The following GPC6 variants were observed in gnomAD, a reference collection of about 807,000 sequenced individuals.
GPC6 encodes the protein glypican 6.
GPC6 carries 14 observed loss-of-function variants against 55.2 expected under a neutral mutation model. The ratio of observed to expected loss-of-function variants is 0.25; its 90% CI spans 0.17 to 0.40. The LOEUF is 0.40. GPC6 is among the 10% of genes least tolerant of loss of function. GPC6 has a pLI of 1.00. For synonymous variants in GPC6, 278 were observed against 259.6 expected, an observed-to-expected ratio of 1.07 and a Z score of -0.68; for missense variants, 641 against 708.5, an observed-to-expected ratio of 0.90 and a Z score of 1.08.
chr13:93,564,200 A>C (rs1174089935), intron 2 of GPC6, among the ~76,000 whole-genome samples: 1 of 152,140 alleles, frequency 6.6e-6, no homozygotes. Context: ...GTAAAACCTT[A>C]AAAAAGAGTA....
intron 1 of GPC6, among the ~76,000 whole-genome samples, chr13:93,278,514 AT>A (rs1381030279): frequency 6.6e-6 from 1 of 152,104 alleles, no homozygotes; most frequent in Non-Finnish European, 1.5e-5. Context: ...ATAAAGAAAT[AT>A]TCTTATAAGA....
intron 4 of GPC6, among the ~76,000 whole-genome samples, chr13:94,054,559 C>A (rs1377135641): frequency 6.6e-6 from 1 of 152,180 alleles, no homozygotes; most frequent in Non-Finnish European, 1.5e-5. Flanking sequence ...TTGACACCTC[C>A]TGGCGGCCAG....
intron 2 of GPC6, among the ~76,000 whole-genome samples, chr13:93,685,345 G>C (rs1003686137): frequency 1.5e-4 from 23 of 152,118 alleles, no homozygotes; most frequent in African/African-American, 4.8e-4. Flanking sequence ...TTGCAGCCTG[G>C]TTGTCAATTG....
intron 7 of GPC6, among the ~76,000 whole-genome samples, chr13:94,388,398 T>C (rs907676906): frequency 7.2e-5 from 11 of 152,214 alleles, no homozygotes; most frequent in African/African-American, 2.4e-4. Flanking sequence ...ATGGACAAGG[T>C]TGAAGTCTTC....
At chr13:93,391,142 G>A (rs1294090394) in intron 1 of GPC6, among the ~76,000 whole-genome samples, 2 of 151,998 alleles carry the variant, frequency 1.3e-5, no homozygotes, top group African/African-American at 4.8e-5. Context: ...TAAAATACCA[G>A]AAATTATAAT....
chr13:94,224,256 AATATATAT>A (rs59631105), intron 4 of GPC6, among the ~76,000 whole-genome samples: 60,686 of 143,882 alleles, frequency 0.42, 12,853 homozygotes, highest in Non-Finnish European at 0.45. Context: ...ATCATCTTTA[AATATATAT>A]ATATATATAT....
intron 3 of GPC6, among the ~76,000 whole-genome samples, chr13:93,861,618 GT>G (rs1888816228): frequency 6.6e-6 from 1 of 151,510 alleles, no homozygotes; most frequent in Non-Finnish European, 1.5e-5. Flanking sequence ...CCCTTGAAAG[GT>G]TTTGCTTTTA....
chr13:94,087,136 AT>A (rs1161469267), intron 4 of GPC6, among the ~76,000 whole-genome samples: 4 of 152,246 alleles, frequency 2.6e-5, no homozygotes, highest in Non-Finnish European at 4.4e-5. Context: ...TATTTCATAG[AT>A]TTAAATGGGA....
intron 3 of GPC6, among the ~76,000 whole-genome samples, chr13:93,977,523 G>GTGTGGTGTA (rs1880581722): frequency 2.1e-5 from 3 of 145,316 alleles, no homozygotes; most frequent in African/African-American, 7.6e-5. Flanking sequence ...TGTGTGGTGT[G>GTGTGGTGTA]TCTTTATTTG....
At chr13:93,336,859 C>G (rs1235918917) in intron 1 of GPC6, among the ~76,000 whole-genome samples, 2 of 152,120 alleles carry the variant, frequency 1.3e-5, no homozygotes, top group African/African-American at 4.8e-5. Flanking sequence ...ACAATTTCAG[C>G]ACCACCCTGA....
At position 93,565,310 on chromosome 13, in the gene GPC6, G is replaced by T. The variant is rs1876042897; in HGVS notation, c.319+19889G>T. Among the ~76,000 whole-genome samples, 7 of 152,154 alleles carry T rather than the reference G, an allele frequency of 4.6e-5. 1 individual carries two copies. ...AGCAGGTGTTGGCCCCACTGCAATTGGGGAAATGAAAAGCGTGCAAGGAAA... is the reference window on the plus strand; with the variant it reads ...AGCAGGTGTTGGCCCCACTGCAATTTGGGAAATGAAAAGCGTGCAAGGAAA... On this transcript the variant is annotated intron_variant, in intron 2 of 8. Coordinates refer to ENST00000377047, the MANE Select transcript of GPC6 (RefSeq NM_005708.5).
chr13:93,557,438 C>A (rs1275702357), intron 2 of GPC6, among the ~76,000 whole-genome samples: 1 of 152,058 alleles, frequency 6.6e-6, no homozygotes, highest in East Asian at 1.9e-4. Flanking sequence ...GTAAATTCTT[C>A]CATTAAGTAA....
chr13:93,722,486 G>A (rs577831880), intron 2 of GPC6, among the ~76,000 whole-genome samples: 7 of 151,776 alleles, frequency 4.6e-5, no homozygotes, highest in Non-Finnish European at 1.5e-5. Context: ...TCTTACTAGT[G>A]CCCCCATCCT....
intron 3 of GPC6, among the ~76,000 whole-genome samples, chr13:94,023,345 G>A (rs993565591): frequency 2.0e-5 from 3 of 150,764 alleles, no homozygotes; most frequent in Non-Finnish European, 4.4e-5. Flanking sequence ...CAAACCAGTT[G>A]GTGGATCATT....
chr13:94,339,371 G>A (rs1002064678), intron 6 of GPC6, among the ~76,000 whole-genome samples: 1 of 151,900 alleles, frequency 6.6e-6, no homozygotes, highest in Non-Finnish European at 1.5e-5. Context: ...GCCTATTTTA[G>A]GAGTTTTCTT....
chr13:93,654,574 C>T (rs1418469944), intron 2 of GPC6, among the ~76,000 whole-genome samples: 3 of 152,038 alleles, frequency 2.0e-5, no homozygotes, highest in Non-Finnish European at 4.4e-5. Context: ...GTGATCCACC[C>T]GCCTCAGCCT....
At chr13:94,355,898 G>A (rs541765063) in intron 6 of GPC6, among the ~76,000 whole-genome samples, 6 of 152,070 alleles carry the variant, frequency 3.9e-5, no homozygotes, top group Admixed American at 2.6e-4. Context: ...ATTAAACCCC[G>A]CATGCATTAG....
chr13:94,241,217 A>G (rs1367457625), intron 4 of GPC6, among the ~76,000 whole-genome samples: 1 of 152,168 alleles, frequency 6.6e-6, no homozygotes, highest in Non-Finnish European at 1.5e-5. Flanking sequence ...AAGATCTGCC[A>G]TCACCTTGAT....
intron 2 of GPC6, among the ~76,000 whole-genome samples, chr13:93,675,568 TAA>T (rs1480607722): frequency 6.6e-6 from 1 of 152,160 alleles, no homozygotes; most frequent in Admixed American, 6.6e-5. Context: ...TCTGTGCTAG[TAA>T]AAAGAGTGCT....
Sources: allele counts gnomAD v4.1 joint callset (sites outside exome capture counted in the v4.1 genomes callset), GRCh38; gene constraint gnomAD v4.1.1; transcripts MANE v1.5; gene names NCBI Gene and HGNC (gene_info 2026-07-23, HGNC 2026-07-21).